Variants in FAM13C observed in about 807,000 individuals in gnomAD.
FAM13C encodes the protein family with sequence similarity 13 member C.
In FAM13C, 37 loss-of-function variants were observed where a neutral mutation model predicts 73.2. That is an observed-to-expected ratio of 0.51 (90% confidence interval 0.39 to 0.67). The LOEUF is 0.67. Ranked by LOEUF, FAM13C falls within the 30% of genes least tolerant of loss-of-function variation. FAM13C has a pLI of 0.00. For missense variants in FAM13C, 589 were observed against 715.6 expected (o/e 0.82, Z 2.02); for synonymous variants, 246 against 260.9 (o/e 0.94, Z 0.55).
At chr10:59,342,125 T>C (rs1853595669) in intron 3 of FAM13C, among the ~76,000 whole-genome samples, 1 of 152,136 alleles carries the variant, frequency 6.6e-6, no homozygotes, top group Non-Finnish European at 1.5e-5. Flanking sequence ...CCTCTGCTCA[T>C]GGCAAGCAGT....
At chr10:59,259,788 T>G (rs1842312027) in intron 10 of FAM13C, among the ~76,000 whole-genome samples, 1 of 152,188 alleles carries the variant, frequency 6.6e-6, no homozygotes, top group East Asian at 1.9e-4. Context: ...GATTTTTCTC[T>G]GATCTTCCGA....
chr10:59,290,406 A>G (rs1846082164), intron 5 of FAM13C, among the ~76,000 whole-genome samples: 1 of 152,194 alleles, frequency 6.6e-6, no homozygotes. Context: ...AATCTGCTCA[A>G]AACTGGGGAC....
intron 1 of FAM13C, among the ~76,000 whole-genome samples, chr10:59,358,388 A>G (rs1855979663): frequency 6.6e-6 from 1 of 152,160 alleles, no homozygotes; most frequent in African/African-American, 2.4e-5. Context: ...ATAAAAAAAA[A>G]TGCTGCTTTG....
At chr10:59,292,098 C>T (rs1367418935) in intron 5 of FAM13C, among the ~76,000 whole-genome samples, 1 of 152,126 alleles carries the variant, frequency 6.6e-6, no homozygotes, top group Non-Finnish European at 1.5e-5. Flanking sequence ...TATAAACTCC[C>T]AATTTAAAGT....
At chr10:59,342,088 T>G (rs976901407) in intron 3 of FAM13C, among the ~76,000 whole-genome samples, 2 of 152,160 alleles carry the variant, frequency 1.3e-5, no homozygotes, top group Non-Finnish European at 2.9e-5. Context: ...CTCATGAAAG[T>G]CAGCCTTCCT....
rs762143323 is a variant in FAM13C, at chr10:59,283,343, C to A, written c.592+20G>T. On this transcript the variant is annotated intron_variant, in intron 6 of 13. Coordinates refer to ENST00000618804, the MANE Select transcript of FAM13C (RefSeq NM_198215.4). ...ACCTTGAGAGTACAATTTGGGACAACCCCCAGCCCTGTATCTTACCTGCAG... is the reference window on the plus strand; with the variant it reads ...ACCTTGAGAGTACAATTTGGGACAAACCCCAGCCCTGTATCTTACCTGCAG... 1 of 1,612,804 alleles carries A rather than the reference C, an allele frequency of 6.2e-7. No individual in the cohort carries two copies. Among genetic ancestry groups the A allele is most frequent in the South Asian group, 1.1e-5 (1 of 91,046 alleles).
chr10:59,282,004 C>T (rs1276977950), intron 6 of FAM13C: 1 of 152,190 alleles, frequency 6.6e-6, no homozygotes, highest in Non-Finnish European at 1.5e-5. Flanking sequence ...AATAATCTGA[C>T]TGAAATTGCT....
chr10:59,247,432 C>T lies in FAM13C; in HGVS notation c.*182G>A. 2 of 664,112 alleles carry T rather than the reference C, an allele frequency of 3.0e-6. No individual in the cohort carries two copies. The highest frequency in any genetic ancestry group is 3.2e-5 in the Admixed American group (1 of 31,698). The allele number at this position is 664,112 out of a possible 1,614,324, so 41.1% of individuals were successfully genotyped here. ...TATATGGCTACCTGTTGTATTCTTC[C>T]CCCCGTTTAAATCCCTTCTCCTTGT... On this transcript the variant is annotated 3_prime_UTR_variant, in exon 14 of 14. Transcript: ENST00000618804.
chr10:59,343,019 T>C (rs1853711749), intron 3 of FAM13C, among the ~76,000 whole-genome samples: 1 of 152,234 alleles, frequency 6.6e-6, no homozygotes, highest in Non-Finnish European at 1.5e-5. Context: ...ATCCCCTTTC[T>C]TCAGAAAGTA....
At chr10:59,352,607 C>G in intron 2 of FAM13C, 133 bp from the exon 3 acceptor site, 1 of 852,418 alleles carries the variant, frequency 1.2e-6, no homozygotes, top group Non-Finnish European at 1.8e-6. Flanking sequence ...TTAGCCTACA[C>G]TTAGACAATT....
chr10:59,278,680 A>C (rs547907418), intron 6 of FAM13C, among the ~76,000 whole-genome samples: 8 of 152,284 alleles, frequency 5.3e-5, no homozygotes, highest in African/African-American at 1.9e-4. Context: ...CCCCAATTGA[A>C]AACCTCTATT....
Position 59,266,182 on chromosome 10 carries a change from T to C in FAM13C, c.943-2016A>G, listed in dbSNP as rs149984541. 8.5e-3 allele frequency among the ~76,000 whole-genome samples: 1,292 copies of C among 152,328 alleles called. 16 individuals are homozygous for C. Among genetic ancestry groups the C allele is most frequent in the African/African-American group, 0.029 (1,224 of 41,570 alleles). On this transcript the variant is annotated intron_variant, in intron 8 of 13. Coordinates refer to ENST00000618804, the MANE Select transcript of FAM13C (RefSeq NM_198215.4). ...TCAGTTGTCAGATAAGACAAAAGACTGATTCTTTCCAATTCTAACATTCCC... is the reference window on the plus strand; with the variant it reads ...TCAGTTGTCAGATAAGACAAAAGACCGATTCTTTCCAATTCTAACATTCCC...
In FAM13C at chr10:59,262,170, G is replaced by A. The variant is rs1216166101; in HGVS notation, c.1236+264C>T. On this transcript the variant is annotated intron_variant, in intron 10 of 13. Transcript: ENST00000618804. ...ATTTGCAGGTGGAGAGAGTTGGGGA[G>A]AAAGGGATATGATATACCCTGGTGT... is the stretch of plus-strand genomic sequence containing the variant. Among the ~76,000 whole-genome samples the A allele has an allele frequency of 2.0e-5, 3 of 151,592 alleles. 1 individual carries two copies. The highest frequency in any genetic ancestry group is 7.2e-5 in the African/African-American group (3 of 41,398).
At chr10:59,347,236 C>T (rs1428335360) in intron 3 of FAM13C, among the ~76,000 whole-genome samples, 2 of 152,122 alleles carry the variant, frequency 1.3e-5, no homozygotes, top group African/African-American at 4.8e-5. Context: ...TAAATCTCTC[C>T]CCTTTCCATT....
At chr10:59,308,541 C>CAG in intron 4 of FAM13C, among the ~76,000 whole-genome samples, 1 of 151,390 alleles carries the variant, frequency 6.6e-6, no homozygotes, top group Non-Finnish European at 1.5e-5. Context: ...ATCATCACCC[C>CAG]CACCACCACC....
At chr10:59,351,161 C>A (rs1854982532) in intron 3 of FAM13C, among the ~76,000 whole-genome samples, 2 of 151,946 alleles carry the variant, frequency 1.3e-5, no homozygotes, top group Admixed American at 6.6e-5. Flanking sequence ...GAAACCCCGT[C>A]TCTACAAAGA....
intron 10 of FAM13C, among the ~76,000 whole-genome samples, chr10:59,256,209 T>A (rs1041963117): frequency 3.3e-5 from 5 of 152,074 alleles, no homozygotes; most frequent in African/African-American, 1.2e-4. Flanking sequence ...CAGAAAAAAA[T>A]CTCAGTCTAA....
At chr10:59,316,531 C>T (rs576918573) in intron 4 of FAM13C, among the ~76,000 whole-genome samples, 5 of 152,166 alleles carry the variant, frequency 3.3e-5, no homozygotes, top group East Asian at 1.9e-4. Context: ...TAGGCTATTT[C>T]GTTGTTGTGC....
At chr10:59,260,431 C>T (rs1393255377) in intron 10 of FAM13C, among the ~76,000 whole-genome samples, 1 of 152,160 alleles carries the variant, frequency 6.6e-6, no homozygotes, top group Non-Finnish European at 1.5e-5. Flanking sequence ...ATTCAAAGTG[C>T]ACAACAAGCT....
Sources: gnomAD v4.1 joint callset for allele counts (sites outside exome capture counted in the v4.1 genomes callset) on GRCh38, gnomAD v4.1.1 for gene constraint, MANE v1.5 for transcripts, NCBI Gene and HGNC (gene_info 2026-07-23, HGNC 2026-07-21) for gene names.